TRAPPC9: variants seen among roughly 807,000 people sequenced by gnomAD.
TRAPPC9 encodes the protein IKK2 binding protein.
In TRAPPC9, 83 loss-of-function variants were observed where a neutral mutation model predicts 124.0. The observed-to-expected ratio is 0.67, with a 90% CI of 0.56 to 0.80. TRAPPC9 has a LOEUF of 0.80. Among genes scored for constraint, TRAPPC9 ranks in the 30% least tolerant of loss-of-function variants. The pLI is 0.00. For missense variants in TRAPPC9, 1,302 were observed against 1,508.3 expected, an observed-to-expected ratio of 0.86 and a Z score of 2.27; for synonymous variants, 638 against 617.5, an observed-to-expected ratio of 1.03 and a Z score of -0.49.
rs73361104 is a variant in TRAPPC9 at position 140,104,518 on chromosome 8, G to T, written c.2557-80439C>A. ...ATGCAAGTAGTATGATGGCACGATGGGGGGAGCTGTGAACTAGCTAGGGAA... is the reference window on the plus strand; with the variant it reads ...ATGCAAGTAGTATGATGGCACGATGTGGGGAGCTGTGAACTAGCTAGGGAA... On this transcript the variant is annotated intron_variant, in intron 17 of 22. Transcript: ENST00000438773. This position sits in a 1 kb window ranked among gnomAD's most constrained non-coding sequence, Gnocchi z 4.0. 0.011 allele frequency among the ~76,000 whole-genome samples: 1,701 copies of T among 152,282 alleles called. 35 individuals are homozygous for T. Among genetic ancestry groups the T allele is most frequent in the African/African-American group, 0.038 (1,587 of 41,534 alleles).
intron 15 of TRAPPC9, among the ~76,000 whole-genome samples, chr8:140,255,140 T>A (rs2064220294): frequency 6.6e-6 from 1 of 152,198 alleles, no homozygotes; most frequent in Non-Finnish European, 1.5e-5. Context: ...CATGTTTCCT[T>A]AAAGAAGGAT....
intron 21 of TRAPPC9, among the ~76,000 whole-genome samples, chr8:139,741,046 G>A (rs1255111135): frequency 2.0e-5 from 3 of 152,184 alleles, no homozygotes; most frequent in Admixed American, 6.5e-5. Flanking sequence ...AGCCCCAAGA[G>A]GAGGGTGGAG....
intron 20 of TRAPPC9, among the ~76,000 whole-genome samples, chr8:139,899,217 AC>A (rs1413130897): frequency 2.0e-5 from 3 of 152,032 alleles, no homozygotes; most frequent in African/African-American, 7.3e-5. Context: ...AGGGGTGTCT[AC>A]CGCCTACACA....
At chr8:139,812,389 C>T (rs1370431379) in intron 21 of TRAPPC9, among the ~76,000 whole-genome samples, 2 of 152,188 alleles carry the variant, frequency 1.3e-5, no homozygotes, top group African/African-American at 4.8e-5. Context: ...GAGCAGCCCA[C>T]AGACGATGTC....
intron 8 of TRAPPC9, among the ~76,000 whole-genome samples, chr8:140,366,728 A>G (rs886456413): frequency 6.6e-6 from 1 of 152,220 alleles, no homozygotes; most frequent in African/African-American, 2.4e-5. Context: ...TTGATAAGCT[A>G]GACTTCGTTA....
chr8:139,835,177 G>T (rs993255386), intron 21 of TRAPPC9, among the ~76,000 whole-genome samples: 7 of 152,164 alleles, frequency 4.6e-5, no homozygotes, highest in African/African-American at 1.7e-4. Context: ...TTTTAAATAG[G>T]GGAGTTGGAG....
intron 10 of TRAPPC9, among the ~76,000 whole-genome samples, chr8:140,304,642 G>A (rs113367273): frequency 0.017 from 2,634 of 152,254 alleles, 79 homozygotes; most frequent in African/African-American, 0.06. Context: ...GGCCTGCCAC[G>A]GACCAGGTGC....
chr8:140,102,067 T>C (rs1456039192), intron 17 of TRAPPC9, among the ~76,000 whole-genome samples: 2 of 152,150 alleles, frequency 1.3e-5, no homozygotes, highest in Non-Finnish European at 2.9e-5. Context: ...TGGTTTTATA[T>C]GCTGTTTTGT....
intron 9 of TRAPPC9, among the ~76,000 whole-genome samples, chr8:140,352,267 G>A (rs1329689565): frequency 6.6e-6 from 1 of 152,192 alleles, no homozygotes; most frequent in South Asian, 2.1e-4. Flanking sequence ...AAATTGTAGG[G>A]CACATGAGTT....
intron 21 of TRAPPC9, among the ~76,000 whole-genome samples, chr8:139,811,585 CT>C (rs1824447927): frequency 6.6e-6 from 1 of 152,238 alleles, no homozygotes; most frequent in Admixed American, 6.5e-5. Flanking sequence ...AGCAGGTCAC[CT>C]GCAAAGGATC....
chr8:140,108,610 T>G (rs2060709683), intron 17 of TRAPPC9, among the ~76,000 whole-genome samples: 1 of 152,218 alleles, frequency 6.6e-6, no homozygotes, highest in Non-Finnish European at 1.5e-5. Flanking sequence ...GTTGAAAGGA[T>G]GAAGCCTGTT....
intron 17 of TRAPPC9, among the ~76,000 whole-genome samples, chr8:140,032,456 T>C (rs1840556886): frequency 1.3e-5 from 2 of 150,478 alleles, no homozygotes; most frequent in Non-Finnish European, 3.0e-5. Context: ...AATACATAAA[T>C]TACACATGCT....
chr8:140,289,860 G>A (rs546281028), intron 12 of TRAPPC9, among the ~76,000 whole-genome samples: 83 of 152,260 alleles, frequency 5.5e-4, no homozygotes, highest in Non-Finnish European at 1.1e-3. Context: ...CGCTCCTCCC[G>A]AGCGCACCTC....
At chr8:140,259,639 G>C (rs1255318654) in intron 15 of TRAPPC9, among the ~76,000 whole-genome samples, 1 of 152,198 alleles carries the variant, frequency 6.6e-6, no homozygotes, top group African/African-American at 2.4e-5. Flanking sequence ...CTCAACCAAT[G>C]CTAGTTATTC....
chr8:140,377,057 T>C (rs1164083339), intron 7 of TRAPPC9, among the ~76,000 whole-genome samples: 4 of 152,028 alleles, frequency 2.6e-5, no homozygotes, highest in African/African-American at 9.7e-5. Context: ...GAGTGCACCA[T>C]CCAAAAGAGA....
rs2060637593 is a variant in TRAPPC9, at chr8:140,104,925, C to T, written c.2557-80846G>A. Reference sequence around the variant, plus strand: ...CCTGAGTTGACTCTGCCTCCGCTTGCCCCCTGGGCCTGTCATCCATGCTGC... The same window carrying T: ...CCTGAGTTGACTCTGCCTCCGCTTGTCCCCTGGGCCTGTCATCCATGCTGC... On this transcript the variant is annotated intron_variant, in intron 17 of 22. Coordinates refer to ENST00000438773, the MANE Select transcript of TRAPPC9 (RefSeq NM_001160372.4). The surrounding 1 kb of genome is among the most constrained non-coding windows in gnomAD (Gnocchi z 4.0). 6.6e-6 allele frequency among the ~76,000 whole-genome samples: 1 copy of T among 152,214 alleles called. No homozygotes were observed. Among genetic ancestry groups the T allele is most frequent in the African/African-American group, 2.4e-5 (1 of 41,448 alleles).
intron 17 of TRAPPC9, among the ~76,000 whole-genome samples, chr8:140,160,358 G>A (rs1421509053): frequency 6.6e-6 from 1 of 152,128 alleles, no homozygotes; most frequent in Non-Finnish European, 1.5e-5. Flanking sequence ...TATGTTTATT[G>A]CGGCACTATT....
chr8:140,349,219 A>AGG, intron 9 of TRAPPC9, among the ~76,000 whole-genome samples: 2 of 85,806 alleles, frequency 2.3e-5, no homozygotes, highest in African/African-American at 9.2e-5. Context: ...GGAAGGGCAC[A>AGG]GAAGGGGGCC....
chr8:140,185,689 G>A (rs571338964), intron 17 of TRAPPC9, among the ~76,000 whole-genome samples: 4 of 152,358 alleles, frequency 2.6e-5, no homozygotes, highest in South Asian at 2.1e-4. Context: ...CTCCACCAGC[G>A]AGGGGCGGGG....
Sources: allele counts gnomAD v4.1 joint callset (sites outside exome capture counted in the v4.1 genomes callset), GRCh38; gene constraint gnomAD v4.1.1; non-coding constraint Gnocchi (gnomAD v3.1); transcripts MANE v1.5; gene names NCBI Gene and HGNC (gene_info 2026-07-23, HGNC 2026-07-21).